Variants in PPP2R3C observed in about 807,000 individuals in gnomAD.
The protein encoded by PPP2R3C is protein phosphatase 2 regulatory subunit B''gamma, also known as serine/threonine-protein phosphatase 2A regulatory subunit B'' subunit gamma.
In PPP2R3C, 47 loss-of-function variants were observed where a neutral mutation model predicts 63.7. That is an observed-to-expected ratio of 0.74 (90% CI 0.58 to 0.94). The LOEUF (loss-of-function observed/expected upper bound fraction) is 0.94. Among genes scored for constraint, PPP2R3C ranks in the 40% least tolerant of loss-of-function variants. PPP2R3C has a pLI of 0.00. For missense variants in PPP2R3C, 421 were observed against 518.4 expected (o/e 0.81, Z 1.82); for synonymous variants, 180 against 177.4 (o/e 1.01, Z -0.12).
At chr14:35,107,635 T>C (rs2046406080) in intron 5 of PPP2R3C, 1 of 440,002 alleles carries the variant, frequency 2.3e-6, no homozygotes, top group Non-Finnish European at 4.1e-6. Context: ...CAGGGACAGC[T>C]AGTATAATAT....
intron 2 of PPP2R3C, among the ~76,000 whole-genome samples, chr14:35,113,910 A>G (rs1358380528): frequency 6.6e-6 from 1 of 152,046 alleles, no homozygotes; most frequent in Non-Finnish European, 1.5e-5. Context: ...AAAAAGCCCT[A>G]CCAGCTCTTT....
At chr14:35,085,916 ATTTTTTGTTCTACT>A (rs1399560779) in intron 12 of PPP2R3C, 138 bp from the exon 13 acceptor site, 4 of 670,286 alleles carry the variant, frequency 6.0e-6, no homozygotes, top group Non-Finnish European at 7.0e-6. Flanking sequence ...GCTTATGTTA[ATTTTTTGTTCTACT>A]TTTTTTCTTT....
At chr14:35,106,228 C>T (rs2046353566) in intron 6 of PPP2R3C, 1 of 152,172 alleles carries the variant, frequency 6.6e-6, no homozygotes, top group East Asian at 1.9e-4. Context: ...AGGTTTGAAA[C>T]GTTTTGATAG....
chr14:35,089,139 TGTCA>T (rs1183537145), intron 11 of PPP2R3C, among the ~76,000 whole-genome samples: 1 of 152,180 alleles, frequency 6.6e-6, no homozygotes, highest in East Asian at 1.9e-4. Context: ...GGTCTTACTC[TGTCA>T]TTCAGGCCGT....
intron 1 of PPP2R3C, among the ~76,000 whole-genome samples, chr14:35,117,873 T>C (rs1037013182): frequency 2.0e-5 from 3 of 152,122 alleles, no homozygotes; most frequent in African/African-American, 7.2e-5. Context: ...TTTGTATTTT[T>C]AGTAGAGATG....
At chr14:35,101,037 G>A (rs2415260) in intron 6 of PPP2R3C, 27,306 of 152,036 alleles carry the variant, frequency 0.18, 2,626 homozygotes, top group East Asian at 0.37. Flanking sequence ...GTGCAGTGGC[G>A]AAATCTCAGC....
At chr14:35,112,877 C>T (rs1414308901) in intron 2 of PPP2R3C, 2 of 152,246 alleles carry the variant, frequency 1.3e-5, no homozygotes, top group East Asian at 3.8e-4. Context: ...TTTAGACAAA[C>T]TCAGCCAAGT....
intron 11 of PPP2R3C, 88 bp from the exon 12 acceptor site, chr14:35,088,098 C>T (rs2045668776): frequency 1.1e-6 from 1 of 907,522 alleles, no homozygotes; most frequent in East Asian, 2.6e-5. Context: ...ACTTATACTT[C>T]CTTTCCTATC....
At chr14:35,121,155 A>G (rs915670098) in intron 1 of PPP2R3C, among the ~76,000 whole-genome samples, 2 of 152,080 alleles carry the variant, frequency 1.3e-5, no homozygotes, top group African/African-American at 4.8e-5. Context: ...GAGGTGGGCG[A>G]ATCACAAGGT....
At chr14:35,108,377 A>T in intron 4 of PPP2R3C, 141 bp from the exon 5 acceptor site, 2 of 1,163,138 alleles carry the variant, frequency 1.7e-6, no homozygotes, top group Non-Finnish European at 2.2e-6. Flanking sequence ...AAAAACTTAA[A>T]ATATTAAGTC....
chr14:35,095,580 C>CCAGCACTTT (rs2045965187), intron 9 of PPP2R3C, among the ~76,000 whole-genome samples: 1 of 151,330 alleles, frequency 6.6e-6, no homozygotes, highest in Non-Finnish European at 1.5e-5. Flanking sequence ...TGGCTCACGC[C>CCAGCACTTT]GGTAATCCCA....
At chr14:35,099,501 G>A in intron 6 of PPP2R3C, 117 bp from the exon 7 acceptor site, 3 of 1,218,900 alleles carry the variant, frequency 2.5e-6, no homozygotes, top group Non-Finnish European at 3.3e-6. Flanking sequence ...ATAAATGCAT[G>A]ACTATTTTAG....
At chr14:35,121,484 T>G (rs1308602869) in intron 1 of PPP2R3C, among the ~76,000 whole-genome samples, 1 of 151,970 alleles carries the variant, frequency 6.6e-6, no homozygotes, top group African/African-American at 2.4e-5. Flanking sequence ...TTTAACGAGG[T>G]TAGTTAATAA....
intron 7 of PPP2R3C, among the ~76,000 whole-genome samples, 179 bp from the exon 8 acceptor site, chr14:35,096,943 G>A (rs546320967): frequency 3.9e-5 from 6 of 152,198 alleles, no homozygotes; most frequent in South Asian, 4.1e-4. Flanking sequence ...GGCTGGGCGC[G>A]GTGGCTCACC....
At chr14:35,120,001 G>C (rs2046818431) in intron 1 of PPP2R3C, among the ~76,000 whole-genome samples, 1 of 151,752 alleles carries the variant, frequency 6.6e-6, no homozygotes, top group African/African-American at 2.4e-5. Context: ...ACAGGCGCCC[G>C]CCACCGCACC....
intron 10 of PPP2R3C, among the ~76,000 whole-genome samples, chr14:35,091,609 C>T (rs997351991): frequency 5.9e-5 from 9 of 152,088 alleles, no homozygotes; most frequent in South Asian, 4.1e-4. Context: ...TCAGGTGATC[C>T]GCCCGCCTCA....
At chr14:35,100,624 G>A (rs938741236) in intron 6 of PPP2R3C, 1 of 152,154 alleles carries the variant, frequency 6.6e-6, no homozygotes, top group African/African-American at 2.4e-5. Context: ...TTCAATACTG[G>A]ATCTCAATGT....
intron 10 of PPP2R3C, among the ~76,000 whole-genome samples, chr14:35,093,978 T>C (rs1566687231): frequency 6.6e-6 from 1 of 152,162 alleles, no homozygotes. Context: ...CTGTTTAGAA[T>C]TTTCCTTCTC....
At chr14:35,090,999 G>A in intron 11 of PPP2R3C, 71 bp downstream of exon 11, 2 of 1,423,878 alleles carry the variant, frequency 1.4e-6, no homozygotes, top group Non-Finnish European at 1.9e-6. Flanking sequence ...ACAGGCGTGA[G>A]CCACTGCACC....
Sources: gnomAD v4.1 joint callset for allele counts (sites outside exome capture counted in the v4.1 genomes callset) on GRCh38, gnomAD v4.1.1 for gene constraint, MANE v1.5 for transcripts, NCBI Gene and HGNC (gene_info 2026-07-23, HGNC 2026-07-21) for gene names.